The following ZNF26 variants were observed in gnomAD, a reference collection of about 807,000 sequenced individuals.
The protein encoded by ZNF26 is epididymis luminal protein 179.
A neutral mutation model predicts 54.9 loss-of-function variants in ZNF26; 32 were observed. That is an observed-to-expected ratio of 0.58 (90% CI 0.44 to 0.78). The LOEUF (loss-of-function observed/expected upper bound fraction) is 0.78, where lower values mean the gene tolerates loss of function less well. Among genes scored for constraint, ZNF26 ranks in the 30% least tolerant of loss-of-function variants. ZNF26 has a pLI of 0.00. For missense variants in ZNF26, 524 were observed against 634.0 expected (o/e 0.83, Z 1.86); for synonymous variants, 221 against 209.2 (o/e 1.06, Z -0.49).
intron 1 of ZNF26, among the ~76,000 whole-genome samples, chr12:133,002,401 C>T (rs562465484): frequency 8.6e-4 from 131 of 152,182 alleles, no homozygotes; most frequent in African/African-American, 3.0e-3. Flanking sequence ...CTGGTCTCCC[C>T]GGTATCTCCT....
chr12:132,988,548 A>G (rs1289619758), intron 1 of ZNF26, among the ~76,000 whole-genome samples: 2 of 152,092 alleles, frequency 1.3e-5, no homozygotes, highest in South Asian at 2.1e-4. Flanking sequence ...TGCCCAGCCT[A>G]TAAGTCTTGA....
chr12:133,003,444 C>T (rs1020862841), intron 1 of ZNF26, among the ~76,000 whole-genome samples: 6 of 151,968 alleles, frequency 3.9e-5, no homozygotes, highest in East Asian at 1.9e-4. Flanking sequence ...TTAGTAGAGA[C>T]GGGGTTTCAC....
chr12:133,007,074 G>A lies in ZNF26; in HGVS notation c.66G>A (p.Glu22=). Residue 22 remains glutamate, a synonymous_variant, in exon 2 of 4, where the codon GAG becomes GAA. Coordinates refer to ENST00000328654, the MANE Select transcript of ZNF26 (RefSeq NM_019591.4). ...GLLSFKDISM[E]FTWDEWQLLD... Reference sequence around the variant, plus strand: ...TGTCATTCAAGGATATATCTATGGAGTTCACCTGGGATGAATGGCAGCTAC... The same window carrying A: ...TGTCATTCAAGGATATATCTATGGAATTCACCTGGGATGAATGGCAGCTAC... 1 of 1,614,092 alleles carries A rather than the reference G, an allele frequency of 6.2e-7. No individual in the cohort carries two copies. The highest frequency in any genetic ancestry group is 8.5e-7 in the Non-Finnish European group (1 of 1,179,984).
Position 133,022,192 on chromosome 12 carries a change from TG to T in ZNF26, c.*10714del, listed in dbSNP as rs1953652734. On this transcript the variant is annotated 3_prime_UTR_variant, in exon 4 of 4. Transcript: ENST00000328654. ...GGGATCACATCACTGCACTCCAGCCTGGGTGACAGAGTGAGACCCTGTCACA... is the reference window on the plus strand; with the variant it reads ...GGGATCACATCACTGCACTCCAGCCTGGTGACAGAGTGAGACCCTGTCACA... 6.6e-6 allele frequency: 1 copy of T among 152,170 alleles called. No individual in the cohort carries two copies. The highest frequency in any genetic ancestry group is 1.5e-5 in the Non-Finnish European group (1 of 68,032). The allele number at this position is 152,170 out of a possible 1,614,324, so 9.4% of individuals were successfully genotyped here.
rs1250689105 is a variant in ZNF26 at position 133,021,490 on chromosome 12, G to C, written c.*10009G>C. The C allele has an allele frequency of 2.6e-5, 4 of 151,516 alleles. No homozygotes were observed. The highest frequency in any genetic ancestry group is 9.7e-5 in the African/African-American group (4 of 41,338). The allele number at this position is 151,516 out of a possible 1,614,324, so 9.4% of individuals were successfully genotyped here. Reference sequence around the variant, plus strand: ...TCAAGAAAAACATTTATTTGGCCGGGCATGGTGGCTCACATCTGTAATCCT... The same window carrying C: ...TCAAGAAAAACATTTATTTGGCCGGCCATGGTGGCTCACATCTGTAATCCT... On this transcript the variant is annotated 3_prime_UTR_variant, in exon 4 of 4. Transcript: ENST00000328654.
At position 132,986,642 on chromosome 12, in the gene ZNF26, G is replaced by GGGA; in HGVS notation, c.-196_-194dup. The GGGA allele has an allele frequency of 1.7e-6, 1 of 600,396 alleles. No individual in the cohort carries two copies. The highest frequency in any genetic ancestry group is 2.8e-5 in the East Asian group (1 of 36,078). 37.2% of individuals were successfully genotyped at this position (600,396 alleles called of 1,614,324 possible). On this transcript the variant is annotated 5_prime_UTR_variant, in exon 1 of 4. Coordinates refer to ENST00000328654, the MANE Select transcript of ZNF26 (RefSeq NM_019591.4). Reference sequence around the variant, plus strand: ...CCGTGCGACTCCTGGTACCCAGACCGGGAGGTTGTCTAGTCACGCGCGGTC... The same window carrying GGGA: ...CCGTGCGACTCCTGGTACCCAGACCGGGAGGAGGTTGTCTAGTCACGCGCGGTC...
intron 1 of ZNF26, among the ~76,000 whole-genome samples, chr12:132,991,919 C>T (rs943929965): frequency 6.3e-4 from 96 of 152,014 alleles, no homozygotes; most frequent in African/African-American, 1.4e-3. Flanking sequence ...AGGCTGAGGC[C>T]GGCGGGTCAT....
At chr12:132,991,973 C>T (rs1158229193) in intron 1 of ZNF26, among the ~76,000 whole-genome samples, 5 of 151,930 alleles carry the variant, frequency 3.3e-5, no homozygotes, top group African/African-American at 1.2e-4. Flanking sequence ...CATGGTGAAA[C>T]CCTGTCTCTA....
In ZNF26 at chr12:133,014,627, C is replaced by G. The variant is rs1953541373; in HGVS notation, c.*3146C>G. On this transcript the variant is annotated 3_prime_UTR_variant, in exon 4 of 4. Coordinates refer to ENST00000328654, the MANE Select transcript of ZNF26 (RefSeq NM_019591.4). ...ATTGCACAATCTCGGCTCACTGCAA[C>G]CTCCGCCTCCTGGGTTCAAGCGATT... 1 of 150,728 alleles carries G rather than the reference C, an allele frequency of 6.6e-6. No individual in the cohort carries two copies. Among genetic ancestry groups the G allele is most frequent in the Non-Finnish European group, 1.5e-5 (1 of 67,914 alleles). The allele number at this position is 150,728 out of a possible 1,614,324, so 9.3% of individuals were successfully genotyped here.
At position 133,007,287 on chromosome 12, in the gene ZNF26, G is replaced by A. The variant is rs1400592010; in HGVS notation, c.160+119G>A. ...TAATGATTATGAACTTGAACTTTAGGGGTCAAATTTCCTTAGTCCCTGTTT... is the reference window on the plus strand; with the variant it reads ...TAATGATTATGAACTTGAACTTTAGAGGTCAAATTTCCTTAGTCCCTGTTT... On this transcript the variant is annotated intron_variant, in intron 2 of 3. Transcript: ENST00000328654. 2.0e-5 allele frequency: 27 copies of A among 1,381,764 alleles called. 1 individual carries two copies. Among genetic ancestry groups the A allele is most frequent in the Middle Eastern group, 3.8e-4 (2 of 5,294 alleles). The allele number at this position is 1,381,764 out of a possible 1,614,324, so 85.6% of individuals were successfully genotyped here.
At chr12:132,999,404 A>G (rs976594519) in intron 1 of ZNF26, among the ~76,000 whole-genome samples, 1 of 151,368 alleles carries the variant, frequency 6.6e-6, no homozygotes, top group African/African-American at 2.4e-5. Context: ...ACAGGCGCCC[A>G]CCACCACACC....
intron 1 of ZNF26, among the ~76,000 whole-genome samples, chr12:132,988,850 A>G (rs1403556380): frequency 3.3e-5 from 5 of 151,982 alleles, no homozygotes; most frequent in African/African-American, 9.7e-5. Flanking sequence ...ATCATTATAT[A>G]TTTTGTTAGA....
At chr12:133,004,269 C>T (rs2137245222) in intron 1 of ZNF26, 1 of 152,204 alleles carries the variant, frequency 6.6e-6, no homozygotes, top group East Asian at 1.9e-4. Context: ...TAAACAGTTG[C>T]ATTTTCTCTT....
Position 132,986,657 on chromosome 12 carries a change from C to A in ZNF26, c.-184C>A. 1.6e-6 allele frequency: 1 copy of A among 616,968 alleles called. No homozygotes were observed. Among genetic ancestry groups the A allele is most frequent in the Non-Finnish European group, 2.9e-6 (1 of 350,200 alleles). The allele number at this position is 616,968 out of a possible 1,614,324, so 38.2% of individuals were successfully genotyped here. On this transcript the variant is annotated 5_prime_UTR_variant, in exon 1 of 4. Coordinates refer to ENST00000328654, the MANE Select transcript of ZNF26 (RefSeq NM_019591.4). ...TACCCAGACCGGGAGGTTGTCTAGT[C>A]ACGCGCGGTCTGTGTTGGGCGAGAG...
At chr12:132,996,775 A>G (rs1363609849) in intron 1 of ZNF26, among the ~76,000 whole-genome samples, 3 of 152,184 alleles carry the variant, frequency 2.0e-5, no homozygotes, top group African/African-American at 7.2e-5. Flanking sequence ...CTGTGATCAT[A>G]TAGGCATTTT....
intron 1 of ZNF26, among the ~76,000 whole-genome samples, chr12:132,989,959 T>C (rs1952912088): frequency 1.3e-5 from 2 of 152,126 alleles, no homozygotes; most frequent in Non-Finnish European, 2.9e-5. Context: ...GTGAGGGTTT[T>C]TGTTGTTGTT....
At chr12:132,989,258 G>A (rs1361497213) in intron 1 of ZNF26, among the ~76,000 whole-genome samples, 4 of 151,824 alleles carry the variant, frequency 2.6e-5, no homozygotes, top group Admixed American at 6.6e-5. Flanking sequence ...GGATGGTCTC[G>A]ATCTCCTGAC....
intron 1 of ZNF26, 77 bp downstream of exon 1, chr12:132,986,950 G>C: frequency 6.8e-7 from 1 of 1,476,420 alleles, no homozygotes; most frequent in Non-Finnish European, 9.3e-7. Flanking sequence ...GGGTTACTCC[G>C]GGAACTGAAC....
In ZNF26 at chr12:133,007,694, G is replaced by A. The variant is rs1452424987; in HGVS notation, c.256+162G>A. 7.2e-5 allele frequency among the ~76,000 whole-genome samples: 11 copies of A among 152,232 alleles called. No individual in the cohort carries two copies. The South Asian group carries it at 2.1e-3, about 29-fold the overall frequency. On this transcript the variant is annotated intron_variant, in intron 3 of 3. Coordinates refer to ENST00000328654, the MANE Select transcript of ZNF26 (RefSeq NM_019591.4). Reference sequence around the variant, plus strand: ...CAGGAGCTCCTCAGATAAGGACATCGCCGTCACTCTTCATATATTTGGGTT... The same window carrying A: ...CAGGAGCTCCTCAGATAAGGACATCACCGTCACTCTTCATATATTTGGGTT...
Sources: gnomAD v4.1 joint callset for allele counts (sites outside exome capture counted in the v4.1 genomes callset) on GRCh38, gnomAD v4.1.1 for gene constraint, MANE v1.5 for transcripts, NCBI Gene and HGNC (gene_info 2026-07-23, HGNC 2026-07-21) for gene names.